GUCY2F: variants seen among roughly 807,000 people sequenced by gnomAD.
The protein encoded by GUCY2F is retinal guanylyl cyclase 2.
In GUCY2F, 61 loss-of-function variants were observed where a neutral mutation model predicts 73.1. The ratio of observed to expected loss-of-function variants is 0.83; its 90% CI spans 0.68 to 1.03. The LOEUF (loss-of-function observed/expected upper bound fraction) is 1.03, where lower values mean the gene tolerates loss of function less well. Ranked by LOEUF, GUCY2F falls within the 50% of genes least tolerant of loss-of-function variation. The probability of loss-of-function intolerance (pLI) is 0.00; values close to 1 mark genes in which losing one functional copy is unlikely to be tolerated. For missense variants in GUCY2F, 912 were observed against 854.3 expected, an observed-to-expected ratio of 1.07 and a Z score of -0.84; for synonymous variants, 331 against 307.8, an observed-to-expected ratio of 1.08 and a Z score of -0.79.
intron 8 of GUCY2F, among the ~76,000 whole-genome samples, chrX:109,428,657 A>T (rs1435595229): frequency 1.8e-5 from 2 of 111,874 alleles, no homozygotes; most frequent in African/African-American, 6.5e-5. Flanking sequence ...TTAGATAATA[A>T]TATTGTAGCA....
At chrX:109,405,805 G>T (rs937287305) in intron 9 of GUCY2F, among the ~76,000 whole-genome samples, 3 of 111,638 alleles carry the variant, frequency 2.7e-5, no homozygotes, top group African/African-American at 9.8e-5. Flanking sequence ...AAAAGTACTA[G>T]AATAAGAATC....
intron 8 of GUCY2F, among the ~76,000 whole-genome samples, chrX:109,414,969 T>G (rs923425472): frequency 9.0e-6 from 1 of 111,367 alleles, no homozygotes; most frequent in African/African-American, 3.3e-5. Flanking sequence ...ATAGGTCATT[T>G]TAAGTAGCTA....
intron 4 of GUCY2F, among the ~76,000 whole-genome samples, chrX:109,452,819 T>C (rs1186597634): frequency 9.0e-6 from 1 of 111,593 alleles, no homozygotes; most frequent in Non-Finnish European, 1.9e-5. Context: ...CCCCTCTGGC[T>C]CTGAGAGATT....
intron 3 of GUCY2F, among the ~76,000 whole-genome samples, chrX:109,463,022 A>G (rs1369259179): frequency 1.8e-5 from 2 of 111,771 alleles, no homozygotes; most frequent in Non-Finnish European, 3.8e-5. Context: ...ATAAAGTCCA[A>G]ATCCAGCATT....
intron 14 of GUCY2F, among the ~76,000 whole-genome samples, chrX:109,389,992 C>T (rs984408429): frequency 8.9e-6 from 1 of 112,030 alleles, no homozygotes; most frequent in Non-Finnish European, 1.9e-5. Flanking sequence ...GATACCTACC[C>T]TCAGATAGGC....
At chrX:109,441,790 CA>C (rs988203883) in intron 6 of GUCY2F, among the ~76,000 whole-genome samples, 1 of 107,912 alleles carries the variant, frequency 9.3e-6, no homozygotes, top group Non-Finnish European at 1.9e-5. Flanking sequence ...ACTTTATAGA[CA>C]AAAAAGTAAG....
intron 1 of GUCY2F, among the ~76,000 whole-genome samples, chrX:109,481,018 G>A (rs1173663146): frequency 1.0e-5 from 1 of 96,033 alleles, no homozygotes; most frequent in Non-Finnish European, 2.1e-5. Context: ...AGGAAAGAAG[G>A]GGAGGGAGGA....
intron 8 of GUCY2F, among the ~76,000 whole-genome samples, chrX:109,423,777 G>A (rs1327794712): frequency 9.2e-6 from 1 of 108,484 alleles, no homozygotes; most frequent in African/African-American, 3.4e-5. Context: ...TCTAGCCGTA[G>A]GTGACTAAAT....
At chrX:109,391,724 G>C (rs942955733) in intron 14 of GUCY2F, among the ~76,000 whole-genome samples, 187 bp downstream of exon 14, 18 of 111,564 alleles carry the variant, frequency 1.6e-4, no homozygotes, top group African/African-American at 5.9e-4. Context: ...TTGTAAATTG[G>C]GAAATTACAT....
At chrX:109,388,030 G>A (rs1426906402) in intron 15 of GUCY2F, among the ~76,000 whole-genome samples, 2 of 110,448 alleles carry the variant, frequency 1.8e-5, no homozygotes, top group Non-Finnish European at 3.8e-5. Context: ...AAGAAGTTTG[G>A]TAGGAAAGGG....
At chrX:109,400,615 C>T (rs1186235269) in intron 10 of GUCY2F, among the ~76,000 whole-genome samples, 1 of 111,276 alleles carries the variant, frequency 9.0e-6, no homozygotes, top group East Asian at 2.8e-4. Flanking sequence ...TCCAGTTTCA[C>T]CACCAATCAT....
At chrX:109,476,775 C>T (rs73639129) in intron 1 of GUCY2F, among the ~76,000 whole-genome samples, 2,583 of 95,303 alleles carry the variant, frequency 0.027, 75 homozygotes, top group African/African-American at 0.13. Context: ...GATAGATAGA[C>T]AGACTATATA....
In GUCY2F at chrX:109,388,495, G is replaced by A. The variant is rs774149153; in HGVS notation, c.2950C>T (p.His984Tyr). 1 of 1,200,488 alleles carries A rather than the reference G, an allele frequency of 8.3e-7. No homozygotes were observed. The highest frequency in any genetic ancestry group is 3.0e-5 in the East Asian group (1 of 33,776). ...TACTTTAACTGGTTATTACCTGAGTGAAGGCCAATTCGAATTCGGACCGGC... is the reference window on the plus strand; with the variant it reads ...TACTTTAACTGGTTATTACCTGAGTAAAGGCCAATTCGAATTCGGACCGGC... ...EVPVRIRIGLHSGPVVAGVVG... is the reference protein window; with the variant it reads ...EVPVRIRIGLYSGPVVAGVVG... The change falls in exon 15 of 20, where the codon CAC (histidine) becomes TAC (tyrosine). Residue 984 changes from histidine (H) to tyrosine (Y), a missense_variant. Coordinates refer to ENST00000218006, the MANE Select transcript of GUCY2F (RefSeq NM_001522.3).
chrX:109,433,312 G>A (rs749416065), intron 7 of GUCY2F, among the ~76,000 whole-genome samples: 10 of 111,554 alleles, frequency 9.0e-5, no homozygotes, highest in Non-Finnish European at 1.9e-4. Flanking sequence ...AGCTGGAAAG[G>A]GTCATAGGTA....
At chrX:109,411,286 C>T (rs1378898119) in intron 8 of GUCY2F, among the ~76,000 whole-genome samples, 1 of 107,866 alleles carries the variant, frequency 9.3e-6, no homozygotes, top group Non-Finnish European at 1.9e-5. Flanking sequence ...TGTCCTAGAG[C>T]CCAAATTAAT....
intron 15 of GUCY2F, 127 bp from the exon 16 acceptor site, chrX:109,385,409 G>T: frequency 2.6e-6 from 1 of 387,427 alleles, no homozygotes; most frequent in South Asian, 5.7e-5. Flanking sequence ...ATAGCTCTGT[G>T]AATCTGAAGA....
At chrX:109,461,881 A>C (rs1001290663) in intron 3 of GUCY2F, among the ~76,000 whole-genome samples, 1 of 112,735 alleles carries the variant, frequency 8.9e-6, no homozygotes, top group Non-Finnish European at 1.9e-5. Context: ...CTCAATAAAT[A>C]GTTGTTGACC....
intron 8 of GUCY2F, among the ~76,000 whole-genome samples, chrX:109,420,940 G>A (rs1353218567): frequency 9.0e-6 from 1 of 111,604 alleles, no homozygotes; most frequent in East Asian, 2.8e-4. Context: ...TTATTCTTAT[G>A]TATCTACTCA....
intron 8 of GUCY2F, among the ~76,000 whole-genome samples, chrX:109,426,681 A>G (rs769379780): frequency 8.9e-6 from 1 of 112,374 alleles, no homozygotes; most frequent in South Asian, 3.7e-4. Flanking sequence ...GAGCCACCAC[A>G]CCCGGCCAGG....
Sources: allele counts gnomAD v4.1 joint callset (sites outside exome capture counted in the v4.1 genomes callset), GRCh38; gene constraint gnomAD v4.1.1; transcripts MANE v1.5; gene names NCBI Gene and HGNC (gene_info 2026-07-23, HGNC 2026-07-21).